The following ZNF599 variants were observed in gnomAD, a reference collection of about 807,000 sequenced individuals.
The protein encoded by ZNF599 is zinc finger protein 599.
Under a neutral mutation model 11.7 loss-of-function variants are expected in ZNF599, and 10 were observed. The ratio of observed to expected loss-of-function variants is 0.86; its 90% CI spans 0.53 to 1.45. The LOEUF is 1.45. ZNF599 is among the 40% of genes most tolerant of loss of function. ZNF599 has a pLI of 0.00. For synonymous variants in ZNF599, 232 were observed against 253.2 expected, an observed-to-expected ratio of 0.92 and a Z score of 0.79; for missense variants, 688 against 713.6, an observed-to-expected ratio of 0.96 and a Z score of 0.41.
chr19:34,775,197 C>T (rs770788895), upstream of ZNF599, among the ~76,000 whole-genome samples: 3 of 152,166 alleles, frequency 2.0e-5, no homozygotes, highest in African/African-American at 4.8e-5. Flanking sequence ...GGTATTCCTT[C>T]GTAAATTACC....
the ZNF599 span, among the ~76,000 whole-genome samples, chr19:34,800,582 C>CTTTTT: frequency 2.7e-5 from 2 of 73,826 alleles, no homozygotes; most frequent in Admixed American, 1.6e-4. Flanking sequence ...CTAGCATTTC[C>CTTTTT]TTTGTTTTTT....
Position 34,760,422 on chromosome 19 carries a change from GC to G in ZNF599, c.378del (p.Lys126AsnfsTer2). ...SRLGQARDEE[K>X]LIKIQEGNLR... ...AAGTTCCCTTCCTGAATTTTTATTA[GC>G]TTTTCCTCATCTCTAGCTTGCCCCA... On this transcript the variant is annotated frameshift_variant, in exon 4 of 4. Coordinates refer to ENST00000329285, the MANE Select transcript of ZNF599 (RefSeq NM_001007248.3). LOFTEE classifies it low-confidence loss of function (END_TRUNC). 1 of 1,614,076 alleles carries G rather than the reference GC, an allele frequency of 6.2e-7. No individual in the cohort carries two copies. Among genetic ancestry groups the G allele is most frequent in the Non-Finnish European group, 8.5e-7 (1 of 1,180,012 alleles).
At chr19:34,765,409 A>G in intron 3 of ZNF599, 1 of 604,586 alleles carries the variant, frequency 1.7e-6, no homozygotes, top group Admixed American at 2.8e-5. Context: ...ATGAGCTATG[A>G]GCTGCCTATG....
At chr19:34,771,149 C>G (rs149173233) in intron 1 of ZNF599, among the ~76,000 whole-genome samples, 1 of 152,136 alleles carries the variant, frequency 6.6e-6, no homozygotes, top group South Asian at 2.1e-4. Context: ...TGGCACACAC[C>G]GATAATCCTA....
chr19:34,778,579 A>G, the ZNF599 span, among the ~76,000 whole-genome samples: 1 of 152,198 alleles, frequency 6.6e-6, no homozygotes, highest in Non-Finnish European at 1.5e-5. Flanking sequence ...ATTGGCAAAC[A>G]CTACAAGTCA....
upstream of ZNF599, among the ~76,000 whole-genome samples, chr19:34,777,408 A>AT (rs2069224269): frequency 1.1e-5 from 1 of 93,728 alleles, no homozygotes; most frequent in South Asian, 2.7e-4. Context: ...TATATTATAT[A>AT]TAATATATAT....
intron 1 of ZNF599, among the ~76,000 whole-genome samples, chr19:34,771,690 G>C (rs1408608731): frequency 1.3e-5 from 2 of 152,196 alleles, no homozygotes; most frequent in African/African-American, 4.8e-5. Context: ...GTGGGGTATG[G>C]GGTGGGGTTG....
At chr19:34,768,339 G>A (rs765885979) in intron 2 of ZNF599, among the ~76,000 whole-genome samples, 17 of 152,088 alleles carry the variant, frequency 1.1e-4, no homozygotes, top group Admixed American at 3.9e-4. Flanking sequence ...ATCTCCTTTC[G>A]ACAACTAATC....
chr19:34,759,639 T>C lies in ZNF599; in HGVS notation c.1162A>G (p.Ile388Val). 6.2e-7 allele frequency: 1 copy of C among 1,614,244 alleles called. No homozygotes were observed. The highest frequency in any genetic ancestry group is 8.5e-7 in the Non-Finnish European group (1 of 1,180,040). ...LNSSFTQHMRIHTGEKPYECG... is the reference protein window; with the variant it reads ...LNSSFTQHMRVHTGEKPYECG... Reference sequence around the variant, plus strand: ...TCATAGGGTTTCTCTCCAGTGTGAATCCTCATGTGCTGAGTGAAGGATGAG... The same window carrying C: ...TCATAGGGTTTCTCTCCAGTGTGAACCCTCATGTGCTGAGTGAAGGATGAG... The change falls in exon 4 of 4, where the codon ATT (isoleucine) becomes GTT (valine). Residue 388 changes from isoleucine to valine, a missense_variant. By Grantham distance (29) the Ile-to-Val change is conservative. Coordinates refer to ENST00000329285, the MANE Select transcript of ZNF599 (RefSeq NM_001007248.3).
Position 34,763,141 on chromosome 19 carries a change from GAAACACAT to G in ZNF599, c.242-2590_242-2583del, listed in dbSNP as rs1162385685. ...GGCAGCATAGGAATGGGAAAGGAAAGAAACACATCAACAGATGCAGGAAGCAGGTCATG... is the reference window on the plus strand; with the variant it reads ...GGCAGCATAGGAATGGGAAAGGAAAGCAACAGATGCAGGAAGCAGGTCATG... On this transcript the variant is annotated intron_variant, in intron 3 of 3. Coordinates refer to ENST00000329285, the MANE Select transcript of ZNF599 (RefSeq NM_001007248.3). 3.3e-5 allele frequency: 5 copies of G among 152,208 alleles called. No homozygotes were observed. The East Asian group carries it at 9.6e-4, about 29-fold the overall frequency. 9.4% of individuals were successfully genotyped at this position (152,208 alleles called of 1,614,324 possible). A position where few individuals can be genotyped will look rare whatever the true frequency, so the allele number is the denominator to read the frequency against.
upstream of ZNF599, among the ~76,000 whole-genome samples, chr19:34,777,188 A>AGGG (rs1170856802): frequency 6.8e-6 from 1 of 147,070 alleles, no homozygotes; most frequent in Non-Finnish European, 1.5e-5. Flanking sequence ...AGGGACATAA[A>AGGG]GGGGACAAAA....
intron 1 of ZNF599, among the ~76,000 whole-genome samples, chr19:34,770,112 A>C (rs2069173202): frequency 6.6e-6 from 1 of 152,238 alleles, no homozygotes; most frequent in Non-Finnish European, 1.5e-5. Flanking sequence ...ATTAATGAGA[A>C]AATGTTCATA....
At chr19:34,797,925 T>G in the ZNF599 span, among the ~76,000 whole-genome samples, 2 of 152,180 alleles carry the variant, frequency 1.3e-5, no homozygotes, top group African/African-American at 4.8e-5. Flanking sequence ...AGCCCTATCT[T>G]ATCCGTATGA....
At chr19:34,802,656 A>T in the ZNF599 span, among the ~76,000 whole-genome samples, 2 of 152,162 alleles carry the variant, frequency 1.3e-5, no homozygotes, top group Non-Finnish European at 2.9e-5. Context: ...ATGGGAGAAG[A>T]AAGGTAGAAA....
the ZNF599 span, among the ~76,000 whole-genome samples, chr19:34,799,197 T>G: frequency 2.0e-5 from 3 of 152,096 alleles, no homozygotes; most frequent in Non-Finnish European, 4.4e-5. Context: ...GAGACGGGGT[T>G]TTGCCGTGTT....
chr19:34,772,831 G>A lies in ZNF599; in HGVS notation c.11C>T (p.Pro4Leu), dbSNP rs1396339734. 2.0e-6 allele frequency: 3 copies of A among 1,521,754 alleles called. No homozygotes were observed. Among genetic ancestry groups the A allele is most frequent in the Non-Finnish European group, 2.6e-6 (3 of 1,138,278 alleles). The allele number at this position is 1,521,754 out of a possible 1,614,324, so 94.3% of individuals were successfully genotyped here. A position where few individuals can be genotyped will look rare whatever the true frequency, so the allele number is the denominator to read the frequency against. The change falls in exon 1 of 4, where the codon CCG (proline) becomes CTG (leucine). Residue 4 changes from proline to leucine, a missense_variant. Pro to Leu is a moderately conservative substitution (Grantham distance 98). Coordinates refer to ENST00000329285, the MANE Select transcript of ZNF599 (RefSeq NM_001007248.3). ...GCGGAACCCTCCACTCACCAACGCC[G>A]GCGCCGCCATGGGCCCAGGGGGCTG... is the stretch of plus-strand genomic sequence containing the variant. MAAPALALVSFEDV... is the reference protein window; with the variant it reads MAALALALVSFEDV...
chr19:34,790,140 T>A, the ZNF599 span, among the ~76,000 whole-genome samples: 5 of 152,358 alleles, frequency 3.3e-5, no homozygotes, highest in South Asian at 1.0e-3. Context: ...TCAGTGCCTT[T>A]GTTAAAAATC....
chr19:34,780,808 AAGAG>A, the ZNF599 span, among the ~76,000 whole-genome samples: 6 of 151,778 alleles, frequency 4.0e-5, no homozygotes, highest in African/African-American at 1.5e-4. Flanking sequence ...AGAGGAAAGA[AAGAG>A]AAAGAAAGAA....
upstream of ZNF599, among the ~76,000 whole-genome samples, chr19:34,777,437 TG>T (rs2069225234): frequency 5.3e-5 from 5 of 95,098 alleles, no homozygotes; most frequent in South Asian, 1.3e-3. Flanking sequence ...ATATAATATA[TG>T]ATATATATTA....
Sources: gnomAD v4.1 joint callset for allele counts (sites outside exome capture counted in the v4.1 genomes callset) on GRCh38, gnomAD v4.1.1 for gene constraint, MANE v1.5 for transcripts, NCBI Gene and HGNC (gene_info 2026-07-23, HGNC 2026-07-21) for gene names.